AMPD2: variants seen among roughly 807,000 people sequenced by gnomAD.
AMPD2 encodes the protein AMP deaminase 2.
In AMPD2, 52 loss-of-function variants were observed where a neutral mutation model predicts 91.3. That is an observed-to-expected ratio of 0.57 (90% CI 0.46 to 0.72). AMPD2 has a LOEUF of 0.72. Ranked by LOEUF, AMPD2 falls within the 30% of genes least tolerant of loss-of-function variation. The pLI is 0.00. For synonymous variants in AMPD2, 455 were observed against 456.4 expected (o/e 1.00, Z 0.04); for missense variants, 822 against 1,122.3 (o/e 0.73, Z 3.82).
At position 109,620,294 on chromosome 1, in the gene AMPD2, T is replaced by C. The variant is rs754255895; in HGVS notation, c.-263+16T>C. On this transcript the variant is annotated intron_variant, in intron 1 of 18. Transcript: ENST00000528667. ...ATGGCCTCAGGTGAGTGTGTGTACG[T>C]GTGTTGGAGGGAGGGTCTCTGGGAC... is the stretch of plus-strand genomic sequence containing the variant. 1.9e-6 allele frequency: 3 copies of C among 1,613,132 alleles called. No individual in the cohort carries two copies. The highest frequency in any genetic ancestry group is 2.5e-6 in the Non-Finnish European group (3 of 1,179,598).
Position 109,621,215 on chromosome 1 carries a change from A to G in AMPD2, c.40A>G (p.Lys14Glu), listed in dbSNP as rs1387834794. The change falls in exon 2 of 19, where the codon AAA (lysine) becomes GAA (glutamate). Residue 14 changes from lysine to glutamate, a missense_variant. This residue lies in a region of AMPD2 where 105 missense variants were observed against 125.0 expected (regional missense o/e 0.84). Transcript: ENST00000528667. ...YPSGSGKPKA[K>E]YPFKKRASLQ... ...ATCTGGCTCTGGCAAGCCCAAGGCCAAATATCCCTTTAAGAAGCGGGCCAG... is the reference window on the plus strand; with the variant it reads ...ATCTGGCTCTGGCAAGCCCAAGGCCGAATATCCCTTTAAGAAGCGGGCCAG... 1 of 1,611,684 alleles carries G rather than the reference A, an allele frequency of 6.2e-7. No individual in the cohort carries two copies.
chr1:109,630,891 A>G, intron 18 of AMPD2, 52 bp from the exon 19 acceptor site: 2 of 1,607,012 alleles, frequency 1.2e-6, no homozygotes, highest in South Asian at 1.1e-5. Flanking sequence ...GGGGTGGGGC[A>G]TGACCCCTCA....
At chr1:109,620,700 T>C (rs918099694) in intron 1 of AMPD2, 3 of 1,211,514 alleles carry the variant, frequency 2.5e-6, no homozygotes, top group Non-Finnish European at 3.1e-6. Context: ...CCGGGAGGAC[T>C]GTGTTTGAGC....
At position 109,624,912 on chromosome 1, in the gene AMPD2, T is replaced by C. The variant is rs1650520525; in HGVS notation, c.92-391T>C. Among the ~76,000 whole-genome samples the C allele has an allele frequency of 6.6e-6, 1 of 152,088 alleles. No homozygotes were observed. Among genetic ancestry groups the C allele is most frequent in the Non-Finnish European group, 1.5e-5 (1 of 67,980 alleles). On this transcript the variant is annotated intron_variant, in intron 2 of 18. Coordinates refer to ENST00000528667, the MANE Select transcript of AMPD2 (RefSeq NM_001368809.2). The surrounding 1 kb of genome is among the most constrained non-coding windows in gnomAD (Gnocchi z 5.2). Reference sequence around the variant, plus strand: ...CGCCTGGTCCTTACCAAGCACCTGGTGTGTGTCTCTGAGGGTGTCTGTGTG... The same window carrying C: ...CGCCTGGTCCTTACCAAGCACCTGGCGTGTGTCTCTGAGGGTGTCTGTGTG...
chr1:109,627,180 C>G lies in AMPD2; in HGVS notation c.724C>G (p.Pro242Ala). ...TACCCTCCTCACCCCTGCAGATGCC[C>G]CGGTGCACCCCCCTGCGCTGGAGCA... ...GPDTPVSADA[P>A]VHPPALEQHP... Residue 242 changes from proline to alanine, a missense_variant, in exon 8 of 19, where the codon CCG (proline) becomes GCG (alanine). Pro to Ala is a conservative substitution (Grantham distance 27). Transcript: ENST00000528667. 1 of 1,613,046 alleles carries G rather than the reference C, an allele frequency of 6.2e-7. No individual in the cohort carries two copies. The highest frequency in any genetic ancestry group is 8.5e-7 in the Non-Finnish European group (1 of 1,179,874).
rs1253560881 is a variant in AMPD2, at chr1:109,630,250, C to T, written c.2001C>T (p.Tyr667=). The T allele has an allele frequency of 6.2e-7, 1 of 1,613,320 alleles. No individual in the cohort carries two copies. Among genetic ancestry groups the T allele is most frequent in the Non-Finnish European group, 8.5e-7 (1 of 1,180,006 alleles). Residue 667 remains tyrosine (Y), a synonymous_variant, in exon 17 of 19, where the codon TAC becomes TAT. Transcript: ENST00000528667. The part of the protein sequence containing the change: ...LLLRKAPVLQ[Y]LYYLAQIGIA... ...CTGCCCAGGCCCCCGTCCTGCAGTA[C>T]CTGTACTACCTGGCCCAGATCGGCA...
intron 2 of AMPD2, 74 bp downstream of exon 2, chr1:109,621,340 C>A: frequency 6.5e-7 from 1 of 1,534,556 alleles, no homozygotes; most frequent in East Asian, 2.3e-5. Context: ...GGTGCTGGTC[C>A]CCTCAGAGGG....
At chr1:109,627,541 C>T in intron 9 of AMPD2, 23 bp downstream of exon 9, 1 of 1,612,462 alleles carries the variant, frequency 6.2e-7, no homozygotes, top group South Asian at 1.1e-5. Flanking sequence ...CCATCCCAGA[C>T]ACTTAGCTCC....
chr1:109,626,547 G>A (rs528348812), intron 6 of AMPD2, 120 bp downstream of exon 6: 2 of 1,300,134 alleles, frequency 1.5e-6, no homozygotes, highest in Non-Finnish European at 2.1e-6. Context: ...AGCTGGAGGG[G>A]CGGAGGGGCA....
At position 109,621,113 on chromosome 1, in the gene AMPD2, G is replaced by A; in HGVS notation, c.-63G>A. The A allele has an allele frequency of 1.2e-6, 2 of 1,600,514 alleles. No individual in the cohort carries two copies. The highest frequency in any genetic ancestry group is 1.7e-6 in the Non-Finnish European group (2 of 1,174,036). On this transcript the variant is annotated 5_prime_UTR_variant, in exon 2 of 19. The change creates a premature stop within an existing upstream ORF in the 5' untranslated region. Coordinates refer to ENST00000528667, the MANE Select transcript of AMPD2 (RefSeq NM_001368809.2). ...GGGGCGGAGGAAGGGGTTGGATGTG[G>A]CAGAGCCAGGCCCCAGCCGGTGCCG...
intron 2 of AMPD2, among the ~76,000 whole-genome samples, chr1:109,623,590 G>A (rs909371530): frequency 6.6e-6 from 1 of 152,216 alleles, no homozygotes; most frequent in Non-Finnish European, 1.5e-5. Context: ...GGGCCCAGAG[G>A]ACAGTGGTGA....
At chr1:109,626,259 G>C in intron 5 of AMPD2, 31 bp downstream of exon 5, 1 of 1,613,450 alleles carries the variant, frequency 6.2e-7, no homozygotes, top group Non-Finnish European at 8.5e-7. Flanking sequence ...CAGGGGATGC[G>C]GAGCTGCAGC....
Position 109,625,323 on chromosome 1 carries a change from G to T in AMPD2, c.112G>T (p.Ala38Ser). The T allele has an allele frequency of 3.7e-6, 6 of 1,613,086 alleles. No homozygotes were observed. Among genetic ancestry groups the T allele is most frequent in the Non-Finnish European group, 4.2e-6 (5 of 1,179,796 alleles). The change falls in exon 3 of 19, where the codon GCC (alanine) becomes TCC (serine). Residue 38 changes from alanine to serine, a missense_variant. Around this residue, in one of 5 missense-constraint regions of AMPD2, gnomAD observed 105 missense variants for 125.0 expected, o/e 0.84. Coordinates refer to ENST00000528667, the MANE Select transcript of AMPD2 (RefSeq NM_001368809.2). This position sits in a 1 kb window ranked among gnomAD's most constrained non-coding sequence, Gnocchi z 4.0. ...TGCAGAGGCTCGGGGTGGTCTGGGG[G>T]CCCCTCCGCTGCAGTCTGCCCGATC... ...AAPEARGGLG[A>S]PPLQSARSLP... is the part of the protein sequence containing the mutation.
chr1:109,629,525 A>G (rs1193161861), intron 15 of AMPD2, 35 bp downstream of exon 15: 1 of 1,605,472 alleles, frequency 6.2e-7, no homozygotes, highest in Non-Finnish European at 8.5e-7. Flanking sequence ...TTGCTATGCC[A>G]TCTCTCGCCC....
intron 14 of AMPD2, 31 bp from the exon 15 acceptor site, chr1:109,629,296 C>T: frequency 6.2e-7 from 1 of 1,614,030 alleles, no homozygotes; most frequent in South Asian, 1.1e-5. Context: ...CCAGCTGCAG[C>T]TCTGGTTCTG....
chr1:109,620,577 C>G, intron 1 of AMPD2: 1 of 1,242,564 alleles, frequency 8.0e-7, no homozygotes, highest in Non-Finnish European at 1.0e-6. Flanking sequence ...CCCTCCTGGG[C>G]TGGGATTCTC....
In AMPD2 at chr1:109,625,931, G is replaced by C. The variant is rs1358051158; in HGVS notation, c.353+139G>C. On this transcript the variant is annotated intron_variant, in intron 4 of 18. Transcript: ENST00000528667. The surrounding 1 kb of genome is among the most constrained non-coding windows in gnomAD (Gnocchi z 4.0). ...ATAGAGTGGGCTTTGGAGTCGGGCT[G>C]CTGGGTTCTGTTCTGTCTTCTAGCC... is the stretch of plus-strand genomic sequence containing the variant. 2 of 1,383,446 alleles carry C rather than the reference G, an allele frequency of 1.4e-6. No individual in the cohort carries two copies. Among genetic ancestry groups the C allele is most frequent in the East Asian group, 5.0e-5 (2 of 40,046 alleles). 85.7% of individuals were successfully genotyped at this position (1,383,446 alleles called of 1,614,324 possible). A position where few individuals can be genotyped will look rare whatever the true frequency, so the allele number is the denominator to read the frequency against.
Position 109,630,758 on chromosome 1 carries a change from C to G in AMPD2, c.2233C>G (p.Arg745Gly), listed in dbSNP as rs762954605. The change falls in exon 18 of 19, where the codon CGC becomes GGC. Residue 745 changes from arginine to glycine, a missense_variant. This residue lies in a region of AMPD2 where 430 missense variants were observed against 606.0 expected (regional missense o/e 0.71). Transcript: ENST00000528667. Reference sequence around the variant, plus strand: ...CTCCTGCGATATGTGTGAGCTGGCCCGCAACAGCGTGCTCATGAGCGGCTT... The same window carrying G: ...CTCCTGCGATATGTGTGAGCTGGCCGGCAACAGCGTGCTCATGAGCGGCTT... ...LSSCDMCELA[R>G]NSVLMSGFSH... 1 of 1,611,404 alleles carries G rather than the reference C, an allele frequency of 6.2e-7. No individual in the cohort carries two copies. Among genetic ancestry groups the G allele is most frequent in the Admixed American group, 1.7e-5 (1 of 59,802 alleles).
chr1:109,630,900 C>T, intron 18 of AMPD2, 43 bp from the exon 19 acceptor site: 1 of 1,609,182 alleles, frequency 6.2e-7, no homozygotes, highest in Non-Finnish European at 8.5e-7. Flanking sequence ...CATGACCCCT[C>T]AGCACTGGCT....
Sources: allele counts gnomAD v4.1 joint callset (sites outside exome capture counted in the v4.1 genomes callset), GRCh38; gene constraint gnomAD v4.1.1; regional missense constraint gnomAD v4.1.1; non-coding constraint Gnocchi (gnomAD v3.1); transcripts MANE v1.5; gene names NCBI Gene and HGNC (gene_info 2026-07-23, HGNC 2026-07-21).